RFWD3: variants seen among roughly 807,000 people sequenced by gnomAD.
RFWD3 encodes E3 ubiquitin-protein ligase RFWD3.
Under a neutral mutation model 87.7 loss-of-function variants are expected in RFWD3, and 65 were observed. The ratio of observed to expected loss-of-function variants is 0.74; its 90% CI spans 0.61 to 0.91. RFWD3 has a LOEUF of 0.91. RFWD3 is among the 40% of genes least tolerant of loss of function. RFWD3 has a pLI of 0.00. For missense variants in RFWD3, 1,078 were observed against 938.5 expected (o/e 1.15, Z -1.94); for synonymous variants, 433 against 352.8 (o/e 1.23, Z -2.55).
intron 12 of RFWD3, 52 bp downstream of exon 12, chr16:74,626,291 T>C: frequency 3.9e-6 from 6 of 1,530,518 alleles, no homozygotes; most frequent in Non-Finnish European, 5.4e-6. Flanking sequence ...CCCTTACCAA[T>C]ATTTTAAGCA....
chr16:74,625,778 T>A (rs1393514941), intron 12 of RFWD3, among the ~76,000 whole-genome samples: 9 of 152,236 alleles, frequency 5.9e-5, no homozygotes, highest in African/African-American at 2.2e-4. Flanking sequence ...ATATTTAACT[T>A]GATTAAAATT....
At chr16:74,656,531 G>T (rs1409973139) in intron 2 of RFWD3, among the ~76,000 whole-genome samples, 1 of 151,832 alleles carries the variant, frequency 6.6e-6, no homozygotes, top group African/African-American at 2.4e-5. Context: ...CACCCAGGCT[G>T]GAGTGCAGTG....
rs372867524 is a variant in RFWD3, at chr16:74,644,515, A to C, written c.987+26T>G. 1.7e-5 allele frequency: 27 copies of C among 1,614,148 alleles called. No individual in the cohort carries two copies. The African/African-American group carries it at 3.1e-4, about 18-fold the overall frequency. ...AGGAATCTGCCTGACTTAACATGTT[A>C]ATGTGTCCTTACCTATGGTCCTTAC... On this transcript the variant is annotated intron_variant, in intron 5 of 12. Coordinates refer to ENST00000361070, the MANE Select transcript of RFWD3 (RefSeq NM_018124.4).
intron 1 of RFWD3, among the ~76,000 whole-genome samples, chr16:74,662,859 G>A (rs1406800603): frequency 6.6e-6 from 1 of 152,056 alleles, no homozygotes; most frequent in Admixed American, 6.6e-5. Context: ...TAGCAGTGGA[G>A]ATGAAAACAA....
At chr16:74,644,500 CTGACT>C in intron 5 of RFWD3, 36 bp downstream of exon 5, 1 of 1,614,122 alleles carries the variant, frequency 6.2e-7, no homozygotes, top group Non-Finnish European at 8.5e-7. Flanking sequence ...AGGAATCTGC[CTGACT>C]TAACATGTTA....
chr16:74,629,839 G>A (rs1361680528), intron 10 of RFWD3, among the ~76,000 whole-genome samples: 1 of 152,148 alleles, frequency 6.6e-6, no homozygotes, highest in African/African-American at 2.4e-5. Flanking sequence ...CCAGGTCACA[G>A]ACCCTACTCC....
At chr16:74,651,035 G>T (rs989693334) in intron 3 of RFWD3, among the ~76,000 whole-genome samples, 1 of 152,064 alleles carries the variant, frequency 6.6e-6, no homozygotes, top group African/African-American at 2.4e-5. Context: ...AACAACTTAC[G>T]ATAGTGATAA....
intron 10 of RFWD3, 57 bp from the exon 11 acceptor site, chr16:74,628,723 C>A (rs1296677158): frequency 3.3e-6 from 5 of 1,504,374 alleles, no homozygotes; most frequent in Admixed American, 1.7e-5. Flanking sequence ...CGGCTCCAGA[C>A]CCCACTACCA....
intron 11 of RFWD3, among the ~76,000 whole-genome samples, chr16:74,627,750 A>C (rs1958977996): frequency 1.3e-5 from 2 of 152,234 alleles, no homozygotes; most frequent in Admixed American, 1.3e-4. Flanking sequence ...CTGCCAGGAC[A>C]GAGGAGTATC....
At chr16:74,643,516 T>C (rs141258223) in intron 6 of RFWD3, among the ~76,000 whole-genome samples, 1 of 152,276 alleles carries the variant, frequency 6.6e-6, no homozygotes, top group Admixed American at 6.5e-5. Context: ...TCAAAGGCTT[T>C]AGAGACACAT....
chr16:74,661,241 A>C lies in RFWD3; in HGVS notation c.209T>G (p.Leu70Arg). The change falls in exon 2 of 13, where the codon CTC becomes CGC. Residue 70 changes from leucine to arginine, a missense_variant. Transcript: ENST00000361070. ...VISSQATPPL[L>R]QPAPQLSVDL... ...AACAGACAGTTGCGGAGCAGGCTGGAGCAGGGGTGGTGTCGCTTGGCTGCT... is the reference window on the plus strand; with the variant it reads ...AACAGACAGTTGCGGAGCAGGCTGGCGCAGGGGTGGTGTCGCTTGGCTGCT... 6.2e-7 allele frequency: 1 copy of C among 1,614,196 alleles called. No homozygotes were observed. Among genetic ancestry groups the C allele is most frequent in the Non-Finnish European group, 8.5e-7 (1 of 1,180,040 alleles).
chr16:74,661,283 G>A lies in RFWD3; in HGVS notation c.167C>T (p.Ala56Val). The A allele has an allele frequency of 6.2e-7, 1 of 1,614,202 alleles. No homozygotes were observed. Among genetic ancestry groups the A allele is most frequent in the Non-Finnish European group, 8.5e-7 (1 of 1,180,044 alleles). ...TTGGCTGCTGATCACCTCAGCAGGA[G>A]CTGGCTGGAGGATGGATGGTACCCC... ...SQGVPSILQP[A>V]PAEVISSQAT... Residue 56 changes from alanine (A) to valine (V), a missense_variant, in exon 2 of 13, where the codon GCT (alanine) becomes GTT (valine). By Grantham distance (64) the Ala-to-Val change is moderately conservative. Transcript: ENST00000361070.
Position 74,626,441 on chromosome 16 carries a change from T to G in RFWD3, c.2083A>C (p.Thr695Pro). 6.2e-7 allele frequency: 1 copy of G among 1,614,202 alleles called. No homozygotes were observed. Among genetic ancestry groups the G allele is most frequent in the Non-Finnish European group, 8.5e-7 (1 of 1,180,016 alleles). Residue 695 changes from threonine to proline, a missense_variant, in exon 12 of 13, where the codon ACT becomes CCT. By Grantham distance (38) the Thr-to-Pro change is conservative. Transcript: ENST00000361070. The stretch of plus-strand genomic sequence containing the variant: ...GCATTTTTGGTCAATAGTTTGCAAG[T>G]AGGTCCTCCAAAAAATGTATGTACA... ...QPVHTFFGGP[T>P]CKLLTKNAIF...
chr16:74,632,824 T>C, intron 8 of RFWD3, 151 bp from the exon 9 acceptor site: 1 of 651,524 alleles, frequency 1.5e-6, no homozygotes, highest in Non-Finnish European at 2.6e-6. Flanking sequence ...AGTGTTACAA[T>C]TTATTCATTT....
chr16:74,640,374 G>C (rs1048819152), intron 6 of RFWD3, among the ~76,000 whole-genome samples: 27 of 152,042 alleles, frequency 1.8e-4, no homozygotes, highest in African/African-American at 6.0e-4. Flanking sequence ...TCGAACTTCC[G>C]ACCTTGTGAT....
chr16:74,648,862 G>T (rs529508882), intron 4 of RFWD3, among the ~76,000 whole-genome samples: 7 of 152,260 alleles, frequency 4.6e-5, no homozygotes, highest in Admixed American at 2.6e-4. Flanking sequence ...GAGGCAGGAC[G>T]ATACCTTGAG....
In RFWD3 at chr16:74,666,841, C is replaced by CTTCCGCCGAAGA. The variant is rs1567592440; in HGVS notation, c.-59_-58insTCTTCGGCGGAA. On this transcript the variant is annotated 5_prime_UTR_variant, in exon 1 of 13. Transcript: ENST00000361070. Reference sequence around the variant, plus strand: ...GAGCCCGCCGAAGACTCGGTAGTTACCTCGGCCGCACTCCGAATGCACCTA... The same window carrying CTTCCGCCGAAGA: ...GAGCCCGCCGAAGACTCGGTAGTTACTTCCGCCGAAGACTCGGCCGCACTCCGAATGCACCTA... 1 of 152,300 alleles carries CTTCCGCCGAAGA rather than the reference C, an allele frequency of 6.6e-6. No homozygotes were observed. The highest frequency in any genetic ancestry group is 1.5e-5 in the Non-Finnish European group (1 of 68,178). 9.4% of individuals were successfully genotyped at this position (152,300 alleles called of 1,614,324 possible).
intron 8 of RFWD3, among the ~76,000 whole-genome samples, chr16:74,635,223 G>A (rs1249644473): frequency 6.6e-6 from 1 of 151,962 alleles, no homozygotes; most frequent in African/African-American, 2.4e-5. Flanking sequence ...CTTGCAGTGA[G>A]CCGAGATAGA....
At chr16:74,666,603 C>G (rs994923953) in intron 1 of RFWD3, 183 bp downstream of exon 1, 1 of 152,308 alleles carries the variant, frequency 6.6e-6, no homozygotes, top group African/African-American at 2.4e-5. Context: ...GGTTCGGGCT[C>G]CTTAGCCCCG....
Sources: gnomAD v4.1 joint callset for allele counts (sites outside exome capture counted in the v4.1 genomes callset) on GRCh38, gnomAD v4.1.1 for gene constraint, MANE v1.5 for transcripts, NCBI Gene and HGNC (gene_info 2026-07-23, HGNC 2026-07-21) for gene names.